VEGFC: variants seen among roughly 807,000 people sequenced by gnomAD.
VEGFC encodes the protein vascular endothelial growth factor C.
In VEGFC, 12 loss-of-function variants were observed where a neutral mutation model predicts 46.1. That is an observed-to-expected ratio of 0.26 (90% CI 0.17 to 0.42). The LOEUF is 0.42. Ranked by LOEUF, VEGFC falls within the 10% of genes least tolerant of loss-of-function variation. VEGFC has a pLI of 1.00. For synonymous variants in VEGFC, 232 were observed against 195.5 expected (o/e 1.19, Z -1.56); for missense variants, 488 against 529.4 (o/e 0.92, Z 0.77).
intron 3 of VEGFC, among the ~76,000 whole-genome samples, chr4:176,720,133 T>A (rs546186838): frequency 6.6e-6 from 1 of 152,036 alleles, no homozygotes; most frequent in Admixed American, 6.6e-5. Context: ...GGCATGATAA[T>A]ACAAAATCAA....
chr4:176,728,617 T>C (rs573085189), intron 2 of VEGFC, among the ~76,000 whole-genome samples: 1 of 152,316 alleles, frequency 6.6e-6, no homozygotes, highest in South Asian at 2.1e-4. Context: ...GATGAGTTAG[T>C]AGCTTACCTA....
rs767056045 is a variant in VEGFC at position 176,687,426 on chromosome 4, G to C, written c.906C>G (p.Ala302=). The change falls in exon 6 of 7, where the codon GCC becomes GCG. Residue 302 remains alanine, a synonymous_variant. Transcript: ENST00000618562. ...CTAGTTCTTTGTGGGGTCCACAGCT[G>C]GCAGGCCGAAGCCCCGCTCTGCAGA... ...QCVCRAGLRP[A]SCGPHKELDR... The C allele has an allele frequency of 6.2e-7, 1 of 1,614,108 alleles. No homozygotes were observed. The highest frequency in any genetic ancestry group is 1.1e-5 in the South Asian group (1 of 91,076).
At chr4:176,781,000 GT>G (rs1735905455) in intron 1 of VEGFC, among the ~76,000 whole-genome samples, 1 of 152,082 alleles carries the variant, frequency 6.6e-6, no homozygotes, top group South Asian at 2.1e-4. Context: ...AACAGAATTG[GT>G]CTCTAACAGA....
intron 4 of VEGFC, among the ~76,000 whole-genome samples, chr4:176,704,259 C>G (rs1277678233): frequency 6.6e-6 from 1 of 152,074 alleles, no homozygotes. Context: ...TATTGATTTC[C>G]CCACAGTTTC....
intron 1 of VEGFC, among the ~76,000 whole-genome samples, chr4:176,753,723 C>G (rs910222973): frequency 6.6e-6 from 1 of 151,904 alleles, no homozygotes; most frequent in Non-Finnish European, 1.5e-5. Context: ...AAGACAATAA[C>G]AAGGACAATT....
At chr4:176,786,046 T>C (rs1735997708) in intron 1 of VEGFC, among the ~76,000 whole-genome samples, 1 of 152,158 alleles carries the variant, frequency 6.6e-6, no homozygotes, top group South Asian at 2.1e-4. Context: ...ATACCATATA[T>C]GGGTGGCCAC....
At chr4:176,715,994 T>C (rs1365802916) in intron 3 of VEGFC, among the ~76,000 whole-genome samples, 2 of 152,106 alleles carry the variant, frequency 1.3e-5, no homozygotes, top group Non-Finnish European at 2.9e-5. Flanking sequence ...TCCCCAAGCC[T>C]CCATTTCATT....
At chr4:176,701,597 G>A (rs959696396) in intron 4 of VEGFC, among the ~76,000 whole-genome samples, 1 of 152,114 alleles carries the variant, frequency 6.6e-6, no homozygotes, top group Non-Finnish European at 1.5e-5. Flanking sequence ...AAACAGTAAC[G>A]CTCACAGCCT....
chr4:176,731,827 T>C (rs1471470549), intron 1 of VEGFC, among the ~76,000 whole-genome samples: 2 of 152,008 alleles, frequency 1.3e-5, no homozygotes, highest in African/African-American at 2.4e-5. Context: ...TAAGTATTAT[T>C]TGAAGTTTTA....
chr4:176,696,538 T>C (rs1334915516), intron 4 of VEGFC, among the ~76,000 whole-genome samples: 28 of 149,546 alleles, frequency 1.9e-4, no homozygotes, highest in Non-Finnish European at 4.0e-4. Context: ...AGAATCAATA[T>C]CGTGAAAATG....
chr4:176,750,701 A>C (rs1579122195), intron 1 of VEGFC, among the ~76,000 whole-genome samples: 1 of 151,864 alleles, frequency 6.6e-6, no homozygotes, highest in Non-Finnish European at 1.5e-5. Flanking sequence ...GTCTGGATTG[A>C]CATCTTTTTC....
At chr4:176,737,505 G>C (rs1211148697) in intron 1 of VEGFC, among the ~76,000 whole-genome samples, 1 of 150,332 alleles carries the variant, frequency 6.7e-6, no homozygotes, top group Non-Finnish European at 1.5e-5. Context: ...GTCTTTTAGT[G>C]TTCATGTAAT....
intron 1 of VEGFC, among the ~76,000 whole-genome samples, chr4:176,755,873 CATTA>C (rs1205424249): frequency 6.6e-6 from 1 of 151,900 alleles, no homozygotes; most frequent in African/African-American, 2.4e-5. Context: ...TTAAGTAATG[CATTA>C]TTTACTGTAA....
At chr4:176,693,017 A>C (rs1371092284) in intron 4 of VEGFC, among the ~76,000 whole-genome samples, 4 of 151,750 alleles carry the variant, frequency 2.6e-5, no homozygotes, top group Non-Finnish European at 4.4e-5. Flanking sequence ...TAAAACCACA[A>C]AGATGGGGAA....
At chr4:176,684,794 C>T (rs1734008833) in intron 6 of VEGFC, among the ~76,000 whole-genome samples, 1 of 152,210 alleles carries the variant, frequency 6.6e-6, no homozygotes, top group African/African-American at 2.4e-5. Context: ...GGGGCAATCT[C>T]AGCTTACTGC....
At chr4:176,696,809 G>C (rs538743822) in intron 4 of VEGFC, among the ~76,000 whole-genome samples, 95 of 152,310 alleles carry the variant, frequency 6.2e-4, no homozygotes, top group African/African-American at 2.1e-3. Flanking sequence ...GAACAGAACA[G>C]AGCCCTCAGA....
At chr4:176,696,147 G>A (rs1162264720) in intron 4 of VEGFC, among the ~76,000 whole-genome samples, 2 of 144,034 alleles carry the variant, frequency 1.4e-5, no homozygotes, top group East Asian at 4.1e-4. Context: ...AATTAGGCAG[G>A]AGAAGGAAAT....
chr4:176,708,066 G>A (rs141890798), intron 4 of VEGFC, among the ~76,000 whole-genome samples: 120 of 151,896 alleles, frequency 7.9e-4, no homozygotes, highest in African/African-American at 2.7e-3. Flanking sequence ...ATCTATATAA[G>A]TTAAAAGTTT....
intron 3 of VEGFC, among the ~76,000 whole-genome samples, chr4:176,721,191 T>C (rs1734780374): frequency 6.6e-6 from 1 of 152,078 alleles, no homozygotes; most frequent in East Asian, 1.9e-4. Context: ...TTAGGTAGCA[T>C]CCAGATCATT....
Sources: allele counts gnomAD v4.1 joint callset (sites outside exome capture counted in the v4.1 genomes callset), GRCh38; gene constraint gnomAD v4.1.1; transcripts MANE v1.5; gene names NCBI Gene and HGNC (gene_info 2026-07-23, HGNC 2026-07-21).